Variants in INSR observed in about 807,000 individuals in gnomAD.
INSR encodes the protein insulin receptor, also known as IR.
Under a neutral mutation model 142.6 loss-of-function variants are expected in INSR, and 67 were observed. The ratio of observed to expected loss-of-function variants is 0.47; its 90% CI spans 0.39 to 0.58. The LOEUF (loss-of-function observed/expected upper bound fraction) is 0.58. Ranked by LOEUF, INSR falls within the 20% of genes least tolerant of loss-of-function variation. INSR has a pLI of 0.00. For synonymous variants in INSR, 756 were observed against 743.1 expected (o/e 1.02, Z -0.28); for missense variants, 1,248 against 1,833.2 (o/e 0.68, Z 5.83).
intron 2 of INSR, among the ~76,000 whole-genome samples, chr19:7,186,520 C>A (rs1163501411): frequency 1.3e-5 from 2 of 151,984 alleles, no homozygotes; most frequent in African/African-American, 4.8e-5. Flanking sequence ...CCATTGTAAT[C>A]ATGTTTAAAT....
At chr19:7,161,664 A>G (rs1409129552) in intron 9 of INSR, among the ~76,000 whole-genome samples, 2 of 152,194 alleles carry the variant, frequency 1.3e-5, no homozygotes, top group Non-Finnish European at 2.9e-5. Context: ...GACTTTGTCA[A>G]TAACCATTAG....
intron 1 of INSR, among the ~76,000 whole-genome samples, chr19:7,277,523 G>A (rs1312624844): frequency 6.6e-6 from 1 of 152,152 alleles, no homozygotes; most frequent in African/African-American, 2.4e-5. Flanking sequence ...TGTTGGCCGG[G>A]TGCAGTGGTC....
In INSR at chr19:7,150,895, C is replaced by A. The variant is rs893598686; in HGVS notation, c.2232-363G>T. ...TTCTTTCTCTCTCTCTTTCTGGTTT[C>A]TTTCCTCTTTCTCCTTTTCTTTTCT... On this transcript the variant is annotated intron_variant, in intron 10 of 21. Transcript: ENST00000302850. The surrounding 1 kb of genome is among the most constrained non-coding windows in gnomAD (Gnocchi z 4.2). Among the ~76,000 whole-genome samples the A allele has an allele frequency of 1.2e-4, 18 of 151,840 alleles. No homozygotes were observed. The highest frequency in any genetic ancestry group is 4.1e-4 in the African/African-American group (17 of 41,314).
chr19:7,156,406 A>G (rs1973593328), intron 9 of INSR, among the ~76,000 whole-genome samples: 1 of 151,992 alleles, frequency 6.6e-6, no homozygotes, highest in East Asian at 1.9e-4. Flanking sequence ...CAGAAATCAG[A>G]CTTGATCAGT....
intron 2 of INSR, among the ~76,000 whole-genome samples, chr19:7,187,554 T>C (rs975323668): frequency 6.6e-6 from 1 of 152,188 alleles, no homozygotes; most frequent in Non-Finnish European, 1.5e-5. Flanking sequence ...TTTTGTCATA[T>C]GGATAAAATG....
chr19:7,228,554 C>A (rs1975856896), intron 2 of INSR, among the ~76,000 whole-genome samples: 1 of 152,156 alleles, frequency 6.6e-6, no homozygotes, highest in Non-Finnish European at 1.5e-5. Context: ...TCTGGAAGTT[C>A]CTGCCATAAC....
chr19:7,126,527 G>T, intron 16 of INSR, 57 bp downstream of exon 16: 1 of 1,434,184 alleles, frequency 7.0e-7, no homozygotes, highest in Non-Finnish European at 9.6e-7. Flanking sequence ...AATGGTGAAG[G>T]CAAAGGAAGC....
chr19:7,129,093 T>G lies in INSR; in HGVS notation c.2843-139A>C, dbSNP rs955503702. ...TGTCCATAAACCTCTCTGCTGCTCTTCCACATCCTGATTTTCCAGCAGTCC... is the reference window on the plus strand; with the variant it reads ...TGTCCATAAACCTCTCTGCTGCTCTGCCACATCCTGATTTTCCAGCAGTCC... On this transcript the variant is annotated intron_variant, in intron 14 of 21. Coordinates refer to ENST00000302850, the MANE Select transcript of INSR (RefSeq NM_000208.4). 3 of 667,804 alleles carry G rather than the reference T, an allele frequency of 4.5e-6. No homozygotes were observed. In the African/African-American group the frequency reaches 5.4e-5, roughly 12 times the overall value. The allele number at this position is 667,804 out of a possible 1,614,324, so 41.4% of individuals were successfully genotyped here.
intron 2 of INSR, among the ~76,000 whole-genome samples, chr19:7,238,617 C>CAAAAA (rs796144540): frequency 3.8e-4 from 26 of 69,000 alleles, no homozygotes; most frequent in South Asian, 6.2e-4. Flanking sequence ...TGCTCCATCT[C>CAAAAA]AAAAAAAAAA....
intron 2 of INSR, among the ~76,000 whole-genome samples, chr19:7,236,919 C>T (rs1014095732): frequency 5.3e-5 from 8 of 150,516 alleles, no homozygotes; most frequent in African/African-American, 1.5e-4. Context: ...CCCAGCTACT[C>T]GGGAGGCTGA....
At chr19:7,204,992 G>A (rs894004821) in intron 2 of INSR, among the ~76,000 whole-genome samples, 6 of 130,568 alleles carry the variant, frequency 4.6e-5, no homozygotes, top group Non-Finnish European at 6.9e-5. Context: ...GCTGAGGCAG[G>A]AGAATCGCTT....
In INSR at chr19:7,225,384, G is replaced by A. The variant is rs904804510; in HGVS notation, c.653-40747C>T. On this transcript the variant is annotated intron_variant, in intron 2 of 21. Transcript: ENST00000302850. The surrounding 1 kb of genome is among the most constrained non-coding windows in gnomAD (Gnocchi z 4.7). ...TTAGGGGTGCTTGAGTGCCTGACCCGCCACCCCCGCCCCACCACCAAGCCA... is the reference window on the plus strand; with the variant it reads ...TTAGGGGTGCTTGAGTGCCTGACCCACCACCCCCGCCCCACCACCAAGCCA... Among the ~76,000 whole-genome samples the A allele has an allele frequency of 8.1e-5, 11 of 136,274 alleles. No homozygotes were observed. Among genetic ancestry groups the A allele is most frequent in the East Asian group, 2.5e-4 (1 of 4,006 alleles). The allele number at this position is 136,274 out of a possible 152,430, so 89.4% of individuals were successfully genotyped here.
At chr19:7,207,839 A>G (rs1975146318) in intron 2 of INSR, among the ~76,000 whole-genome samples, 2 of 150,650 alleles carry the variant, frequency 1.3e-5, no homozygotes, top group South Asian at 4.2e-4. Context: ...ATGAGCTATG[A>G]CTGTGCCGTT....
intron 9 of INSR, among the ~76,000 whole-genome samples, chr19:7,156,007 C>T (rs936112051): frequency 2.7e-5 from 4 of 150,238 alleles, no homozygotes; most frequent in African/African-American, 9.8e-5. Flanking sequence ...ATTAATCAAC[C>T]ACACAAATAA....
chr19:7,187,502 T>C (rs1436377432), intron 2 of INSR, among the ~76,000 whole-genome samples: 1 of 152,218 alleles, frequency 6.6e-6, no homozygotes, highest in African/African-American at 2.4e-5. Flanking sequence ...AAGTTTTACA[T>C]TGATACAGAA....
chr19:7,292,119 T>C (rs757898053), intron 1 of INSR, among the ~76,000 whole-genome samples: 10 of 142,786 alleles, frequency 7.0e-5, no homozygotes, highest in Non-Finnish European at 1.5e-4. Context: ...TGAGACAAAG[T>C]CTCGCTCTTT....
rs1291804941 is a variant in INSR, at chr19:7,163,525, A to G, written c.1862-326T>C. On this transcript the variant is annotated intron_variant, in intron 8 of 21. Transcript: ENST00000302850. ...CAGTGAGCCGAGATTGCGCCACTGCACTCCAGCCTGGGTGACAGAGCAAGA... is the reference window on the plus strand; with the variant it reads ...CAGTGAGCCGAGATTGCGCCACTGCGCTCCAGCCTGGGTGACAGAGCAAGA... Among the ~76,000 whole-genome samples, 3 of 151,890 alleles carry G rather than the reference A, an allele frequency of 2.0e-5. 1 individual carries two copies. The highest frequency in any genetic ancestry group is 4.2e-4 in the South Asian group (2 of 4,808).
intron 2 of INSR, among the ~76,000 whole-genome samples, chr19:7,263,801 G>A (rs1360211352): frequency 6.6e-6 from 1 of 152,098 alleles, no homozygotes; most frequent in African/African-American, 2.4e-5. Flanking sequence ...GGGAAGCCGA[G>A]GTGCTTGAGC....
At chr19:7,147,871 G>T (rs1481772813) in intron 11 of INSR, among the ~76,000 whole-genome samples, 1 of 151,896 alleles carries the variant, frequency 6.6e-6, no homozygotes. Flanking sequence ...ATACCAAAAA[G>T]ATTATAACCA....
Sources: allele counts gnomAD v4.1 joint callset (sites outside exome capture counted in the v4.1 genomes callset), GRCh38; gene constraint gnomAD v4.1.1; non-coding constraint Gnocchi (gnomAD v3.1); transcripts MANE v1.5; gene names NCBI Gene and HGNC (gene_info 2026-07-23, HGNC 2026-07-21).